DOCK2: variants seen among roughly 807,000 people sequenced by gnomAD.
DOCK2 encodes dedicator of cytokinesis 2, also known as dedicator of cytokinesis protein 2.
A neutral mutation model predicts 248.9 loss-of-function variants in DOCK2; 87 were observed. The ratio of observed to expected loss-of-function variants is 0.35; its 90% confidence interval spans 0.29 to 0.42. DOCK2 has a LOEUF of 0.42. DOCK2 is among the 10% of genes least tolerant of loss of function. DOCK2 has a pLI of 1.00. For missense variants in DOCK2, 1,747 were observed against 2,300.2 expected (o/e 0.76, Z 4.92); for synonymous variants, 805 against 821.6 (o/e 0.98, Z 0.35).
intron 26 of DOCK2, among the ~76,000 whole-genome samples, chr5:169,821,667 T>C (rs558443350): frequency 4.6e-4 from 70 of 152,160 alleles, no homozygotes; most frequent in Non-Finnish European, 8.2e-4. Context: ...TGCAAAAACA[T>C]GTCAAATTGT....
intron 7 of DOCK2, among the ~76,000 whole-genome samples, chr5:169,683,578 A>C (rs368115360): frequency 6.6e-6 from 1 of 152,166 alleles, no homozygotes; most frequent in East Asian, 1.9e-4. Flanking sequence ...GTTGCTCTAC[A>C]TCCTCGTCAA....
intron 22 of DOCK2, among the ~76,000 whole-genome samples, chr5:169,722,667 C>T (rs1697538440): frequency 6.6e-6 from 1 of 152,166 alleles, no homozygotes; most frequent in Non-Finnish European, 1.5e-5. Flanking sequence ...ATTATGGGTA[C>T]AAAGTGCTCC....
At chr5:169,821,880 C>T (rs545494050) in intron 26 of DOCK2, among the ~76,000 whole-genome samples, 59 of 152,150 alleles carry the variant, frequency 3.9e-4, no homozygotes, top group African/African-American at 1.2e-3. Context: ...ACCCATCTCA[C>T]GTGCAGAGAC....
At chr5:169,995,280 T>C (rs1318402466) in intron 29 of DOCK2, among the ~76,000 whole-genome samples, 2 of 152,086 alleles carry the variant, frequency 1.3e-5, no homozygotes, top group African/African-American at 4.8e-5. Flanking sequence ...CCACCCACCT[T>C]AGCCTCCCAA....
intron 32 of DOCK2, among the ~76,000 whole-genome samples, chr5:170,012,471 G>A (rs1477660367): frequency 6.6e-6 from 1 of 152,186 alleles, no homozygotes; most frequent in Admixed American, 6.5e-5. Context: ...TTCTCATCAA[G>A]AACAACTTGA....
chr5:169,842,950 TC>T (rs1400694558), intron 27 of DOCK2, among the ~76,000 whole-genome samples: 2 of 152,048 alleles, frequency 1.3e-5, no homozygotes, highest in Non-Finnish European at 2.9e-5. Flanking sequence ...ACCAGGACAC[TC>T]CCCTACTCTG....
chr5:169,718,554 C>T, intron 21 of DOCK2, 103 bp from the exon 22 acceptor site: 1 of 1,307,738 alleles, frequency 7.6e-7, no homozygotes, highest in Non-Finnish European at 1.0e-6. Flanking sequence ...GAGCTTGGCT[C>T]TACTACCACC....
chr5:169,945,859 C>T (rs959590845), intron 27 of DOCK2, among the ~76,000 whole-genome samples: 23 of 152,186 alleles, frequency 1.5e-4, no homozygotes, highest in African/African-American at 5.5e-4. Context: ...TTTCTTGACT[C>T]GTCCTTATTT....
chr5:170,038,838 C>T (rs1186466813), intron 36 of DOCK2, among the ~76,000 whole-genome samples: 2 of 152,114 alleles, frequency 1.3e-5, no homozygotes, highest in Non-Finnish European at 2.9e-5. Context: ...GGAAGCTCTC[C>T]CCTGGGCTGC....
chr5:169,792,362 GTATATATATATTTTATATA>G (rs1766390553), intron 25 of DOCK2, among the ~76,000 whole-genome samples: 1 of 150,404 alleles, frequency 6.6e-6, no homozygotes, highest in African/African-American at 2.5e-5. Context: ...GTGTGTGTGT[GTATATATATATTTTATATA>G]TGTATACATG....
intron 26 of DOCK2, among the ~76,000 whole-genome samples, chr5:169,826,207 C>T (rs1361597077): frequency 6.6e-6 from 1 of 152,052 alleles, no homozygotes; most frequent in Non-Finnish European, 1.5e-5. Flanking sequence ...AAGGTGTGAT[C>T]TAAAGAAATA....
chr5:170,064,898 A>G (rs1757440137), intron 44 of DOCK2, among the ~76,000 whole-genome samples: 1 of 152,216 alleles, frequency 6.6e-6, no homozygotes, highest in Non-Finnish European at 1.5e-5. Flanking sequence ...AGAGGATGCT[A>G]GTTAGTAACG....
intron 27 of DOCK2, among the ~76,000 whole-genome samples, chr5:169,965,538 A>G (rs1346193771): frequency 6.6e-6 from 1 of 152,198 alleles, no homozygotes; most frequent in East Asian, 1.9e-4. Flanking sequence ...CACCCTTAAG[A>G]GCAGTGGTTC....
chr5:169,914,729 T>C (rs1174280063), intron 27 of DOCK2, among the ~76,000 whole-genome samples: 2 of 152,238 alleles, frequency 1.3e-5, no homozygotes, highest in African/African-American at 2.4e-5. Flanking sequence ...AGCAGTTCTG[T>C]AGCCTTCTGG....
intron 25 of DOCK2, among the ~76,000 whole-genome samples, chr5:169,792,046 T>C (rs1354301180): frequency 6.6e-6 from 1 of 152,162 alleles, no homozygotes; most frequent in Non-Finnish European, 1.5e-5. Flanking sequence ...CATGAAACCA[T>C]GGAATTCTAT....
intron 27 of DOCK2, chr5:169,875,404 G>A (rs1772266886): frequency 2.3e-6 from 1 of 429,810 alleles, no homozygotes; most frequent in South Asian, 1.6e-5. Context: ...AAACCCTCAC[G>A]ATGCCCTTGG....
intron 23 of DOCK2, among the ~76,000 whole-genome samples, chr5:169,750,960 A>G (rs1317952049): frequency 1.3e-5 from 2 of 152,182 alleles, no homozygotes; most frequent in African/African-American, 4.8e-5. Context: ...TTGGCTTTTG[A>G]CCAGAGAGAT....
At chr5:169,766,962 G>A (rs967510315) in intron 25 of DOCK2, among the ~76,000 whole-genome samples, 25 of 152,036 alleles carry the variant, frequency 1.6e-4, no homozygotes, top group Admixed American at 5.9e-4. Flanking sequence ...CACCATGCTG[G>A]CCAGGCTGGT....
intron 25 of DOCK2, among the ~76,000 whole-genome samples, chr5:169,798,232 T>A (rs1175359656): frequency 6.6e-6 from 1 of 152,214 alleles, no homozygotes; most frequent in African/African-American, 2.4e-5. Flanking sequence ...ACCTATGTTT[T>A]GTAGAATCCT....
Sources: allele counts gnomAD v4.1 joint callset (sites outside exome capture counted in the v4.1 genomes callset), GRCh38; gene constraint gnomAD v4.1.1; transcripts MANE v1.5; gene names NCBI Gene and HGNC (gene_info 2026-07-23, HGNC 2026-07-21).